DELE1: variants seen among roughly 807,000 people sequenced by gnomAD.
DELE1 encodes the protein death ligand signal enhancer.
A neutral mutation model predicts 59.3 loss-of-function variants in DELE1; 54 were observed. That is an observed-to-expected ratio of 0.91 (90% CI 0.73 to 1.14). The LOEUF (loss-of-function observed/expected upper bound fraction) is 1.14, where lower values mean the gene tolerates loss of function less well. DELE1 is among the 50% of genes most tolerant of loss of function. DELE1 has a pLI of 0.00. For missense variants in DELE1, 636 were observed against 643.9 expected, an observed-to-expected ratio of 0.99 and a Z score of 0.13; for synonymous variants, 264 against 259.1, an observed-to-expected ratio of 1.02 and a Z score of -0.18.
intron 10 of DELE1, among the ~76,000 whole-genome samples, chr5:141,935,762 C>G (rs990964700): frequency 1.3e-5 from 2 of 152,202 alleles, no homozygotes; most frequent in African/African-American, 4.8e-5. Flanking sequence ...ATCAGACCAG[C>G]GTGCTAGCAG....
At chr5:141,931,581 T>C (rs1159338241) in intron 7 of DELE1, among the ~76,000 whole-genome samples, 8 of 151,980 alleles carry the variant, frequency 5.3e-5, no homozygotes, top group Non-Finnish European at 1.5e-5. Flanking sequence ...ACAAAACATG[T>C]CAGTGGCATG....
Position 141,939,260 on chromosome 5 carries a change from G to C in DELE1, c.*501G>C. The stretch of plus-strand genomic sequence containing the variant: ...AATATGATTAGCATATTGACCTGTA[G>C]TTTGATAGATGTTCTGTCTAGGATA... On this transcript the variant is annotated 3_prime_UTR_variant, in exon 12 of 12. Coordinates refer to ENST00000432126, the MANE Select transcript of DELE1 (RefSeq NM_014773.5). 2 of 551,236 alleles carry C rather than the reference G, an allele frequency of 3.6e-6. No individual in the cohort carries two copies. The highest frequency in any genetic ancestry group is 4.6e-6 in the Non-Finnish European group (2 of 433,864). 34.1% of individuals were successfully genotyped at this position (551,236 alleles called of 1,614,324 possible). A position where few individuals can be genotyped will look rare whatever the true frequency, so the allele number is the denominator to read the frequency against.
rs1320514787 is a variant in DELE1 at position 141,936,509 on chromosome 5, A to G, written c.1150-689A>G. On this transcript the variant is annotated intron_variant, in intron 10 of 11. Transcript: ENST00000432126. ...GAGTGCAGTGGCGCGATCTCAGCGC[A>G]CTGCAACCTCCGCCTCCCGGGTTCA... Among the ~76,000 whole-genome samples the G allele has an allele frequency of 2.6e-5, 4 of 152,258 alleles. No homozygotes were observed. The East Asian group carries it at 5.8e-4, about 22-fold the overall frequency.
intron 3 of DELE1, among the ~76,000 whole-genome samples, chr5:141,926,412 T>C (rs1751427298): frequency 6.6e-6 from 1 of 152,198 alleles, no homozygotes; most frequent in South Asian, 2.1e-4. Context: ...TAGCCCGTAA[T>C]AGTTGCTCAA....
At chr5:141,937,439 G>C in intron 11 of DELE1, 82 bp downstream of exon 11, 6 of 1,499,048 alleles carry the variant, frequency 4.0e-6, no homozygotes, top group Non-Finnish European at 5.5e-6. Context: ...AGTAGTCTCT[G>C]GTCTCCTAGT....
chr5:141,937,229 G>T lies in DELE1; in HGVS notation c.1181G>T (p.Cys394Phe). Residue 394 changes from cysteine to phenylalanine, a missense_variant, in exon 11 of 12, where the codon TGC becomes TTC. Cys to Phe is a radical substitution (Grantham distance 205). Coordinates refer to ENST00000432126, the MANE Select transcript of DELE1 (RefSeq NM_014773.5). The part of the protein sequence containing the change: ...DSQSRYHLGI[C>F]YEKGLGVQRN... ...CAGAGCAGGTACCACCTTGGAATTT[G>T]CTATGAGAAAGGCCTTGGTGTGCAG... 1 of 1,614,208 alleles carries T rather than the reference G, an allele frequency of 6.2e-7. No homozygotes were observed. Among genetic ancestry groups the T allele is most frequent in the South Asian group, 1.1e-5 (1 of 91,088 alleles).
At chr5:141,937,152 C>T in intron 10 of DELE1, 46 bp from the exon 11 acceptor site, 1 of 1,608,004 alleles carries the variant, frequency 6.2e-7, no homozygotes, top group Non-Finnish European at 8.5e-7. Context: ...GTCAGTTCCT[C>T]ATTCCTGCAT....
rs375502548 is a variant in DELE1, at chr5:141,933,262, C to G, written c.758C>G (p.Thr253Arg). The change falls in exon 8 of 12, where the codon ACA (threonine) becomes AGA (arginine). Residue 253 changes from threonine to arginine, a missense_variant. Coordinates refer to ENST00000432126, the MANE Select transcript of DELE1 (RefSeq NM_014773.5). ...SVSIAFNFLG[T>R]ENMKSGDHTA... ...TGTGCCCTGTGCCTTCTTACAGGAA[C>G]AGAGAACATGAAGAGTGGCGACCAC... 3.2e-6 allele frequency: 5 copies of G among 1,549,520 alleles called. No homozygotes were observed. The African/African-American group carries it at 5.4e-5, about 17-fold the overall frequency.
intron 3 of DELE1, among the ~76,000 whole-genome samples, chr5:141,927,426 T>TCC (rs922062876): frequency 4.6e-5 from 7 of 152,196 alleles, no homozygotes; most frequent in Non-Finnish European, 7.3e-5. Context: ...ACTCCTGGCC[T>TCC]CAAGTGATCC....
Position 141,941,338 on chromosome 5 carries a change from A to T in DELE1, c.*2579A>T. The T allele has an allele frequency of 1.0e-6, 1 of 985,474 alleles. No homozygotes were observed. The highest frequency in any genetic ancestry group is 1.2e-6 in the Non-Finnish European group (1 of 830,052). 61.0% of individuals were successfully genotyped at this position (985,474 alleles called of 1,614,324 possible). On this transcript the variant is annotated 3_prime_UTR_variant, in exon 12 of 12. Transcript: ENST00000432126. ...CAAAGGTTGGGGGTAGGATATTTTT[A>T]AGCTCTCCAATTTAAAAAGGAAGGG... is the stretch of plus-strand genomic sequence containing the variant.
chr5:141,925,404 A>G lies in DELE1; in HGVS notation c.147-6A>G, dbSNP rs767164419. The G allele has an allele frequency of 1.3e-6, 2 of 1,565,068 alleles. No individual in the cohort carries two copies. Among genetic ancestry groups the G allele is most frequent in the Non-Finnish European group, 1.7e-6 (2 of 1,154,754 alleles). On this transcript the variant is annotated splice_region_variant and splice_polypyrimidine_tract_variant and intron_variant, in intron 2 of 11. Transcript: ENST00000432126. The stretch of plus-strand genomic sequence containing the variant: ...CTACTTGATAGCCTCTTATTTCATC[A>G]TCTAGGTCAGGTCCCCATGGCCCAG...
Position 141,941,686 on chromosome 5 carries a change from T to C in DELE1, c.*2927T>C. On this transcript the variant is annotated 3_prime_UTR_variant, in exon 12 of 12. Transcript: ENST00000432126. The stretch of plus-strand genomic sequence containing the variant: ...AAGCTCTACTGCCTCAGTTTCCCTA[T>C]CCGGAGATGCTGTTTTCAGGGAGTC... The C allele has an allele frequency of 1.0e-6, 1 of 985,390 alleles. No individual in the cohort carries two copies. The highest frequency in any genetic ancestry group is 1.2e-6 in the Non-Finnish European group (1 of 829,922). 61.0% of individuals were successfully genotyped at this position (985,390 alleles called of 1,614,324 possible). A position where few individuals can be genotyped will look rare whatever the true frequency, so the allele number is the denominator to read the frequency against.
Position 141,925,390 on chromosome 5 carries a change from C to T in DELE1, c.147-20C>T, listed in dbSNP as rs762885890. The T allele has an allele frequency of 2.6e-6, 4 of 1,515,810 alleles. No homozygotes were observed. The South Asian group carries it at 3.7e-5, about 14-fold the overall frequency. The allele number at this position is 1,515,810 out of a possible 1,614,324, so 93.9% of individuals were successfully genotyped here. A position where few individuals can be genotyped will look rare whatever the true frequency, so the allele number is the denominator to read the frequency against. Reference sequence around the variant, plus strand: ...GTCTCCCTTTGCCCCTACTTGATAGCCTCTTATTTCATCATCTAGGTCAGG... The same window carrying T: ...GTCTCCCTTTGCCCCTACTTGATAGTCTCTTATTTCATCATCTAGGTCAGG... On this transcript the variant is annotated intron_variant, in intron 2 of 11. Transcript: ENST00000432126.
rs1751700128 is a variant in DELE1 at position 141,929,419 on chromosome 5, T to A, written c.413-163T>A. Among the ~76,000 whole-genome samples, 3 of 152,152 alleles carry A rather than the reference T, an allele frequency of 2.0e-5. No individual in the cohort carries two copies. The South Asian group carries it at 6.2e-4, about 32-fold the overall frequency. On this transcript the variant is annotated intron_variant, in intron 4 of 11. Transcript: ENST00000432126. ...ATGTGCCACTGCACCCCGCTAATTT[T>A]TTGTATTTTTAGTACAGATGGGGTT...
intron 4 of DELE1, 45 bp downstream of exon 4, chr5:141,928,343 C>G (rs754113128): frequency 2.0e-5 from 31 of 1,588,882 alleles, no homozygotes; most frequent in Middle Eastern, 1.7e-4. Context: ...CTGGGCGTTT[C>G]TCTGGGCCAG....
In DELE1 at chr5:141,933,296, CT is replaced by C. The variant is rs781004602; in HGVS notation, c.796del (p.Ser266LeufsTer77). 2.2e-5 allele frequency: 35 copies of C among 1,569,206 alleles called. No homozygotes were observed. In the Admixed American group the frequency reaches 4.6e-4, roughly 21 times the overall value. ...NMKSGDHTAA[F>X]SYFQKAAARG... Reference sequence around the variant, plus strand: ...TGAAGAGTGGCGACCACACGGCAGCCTTTTCTTACTTCCAGAAAGCTGCAGC... The same window carrying C: ...TGAAGAGTGGCGACCACACGGCAGCCTTTCTTACTTCCAGAAAGCTGCAGC... On this transcript the variant is annotated frameshift_variant, in exon 8 of 12. Transcript: ENST00000432126. LOFTEE classifies it high-confidence loss of function.
intron 10 of DELE1, among the ~76,000 whole-genome samples, chr5:141,935,873 T>C (rs1314691140): frequency 6.6e-6 from 1 of 152,184 alleles, no homozygotes; most frequent in Non-Finnish European, 1.5e-5. Flanking sequence ...TCTTTCTGGG[T>C]TTGTACTGAG....
chr5:141,940,263 C>G lies in DELE1; in HGVS notation c.*1504C>G, dbSNP rs1172568797. On this transcript the variant is annotated 3_prime_UTR_variant, in exon 12 of 12. Coordinates refer to ENST00000432126, the MANE Select transcript of DELE1 (RefSeq NM_014773.5). ...CTCTCCACTAACCAATTTAAAGGAT[C>G]TTAAAAGCTTCTCCAGGAGAGAGAC... 16 of 985,254 alleles carry G rather than the reference C, an allele frequency of 1.6e-5. No individual in the cohort carries two copies. The highest frequency in any genetic ancestry group is 1.9e-5 in the Non-Finnish European group (16 of 829,934). 61.0% of individuals were successfully genotyped at this position (985,254 alleles called of 1,614,324 possible). A position where few individuals can be genotyped will look rare whatever the true frequency, so the allele number is the denominator to read the frequency against.
Position 141,930,193 on chromosome 5 carries a change from A to C in DELE1, c.673A>C (p.Lys225Gln), listed in dbSNP as rs2126877445. ...PTGEKEQDKS[K>Q]TLSLEEAVTS... Reference sequence around the variant, plus strand: ...TCTTTCCCAGGAACAAGATAAATCAAAAACTCTTTCCCTTGAGGAGGCTGT... The same window carrying C: ...TCTTTCCCAGGAACAAGATAAATCACAAACTCTTTCCCTTGAGGAGGCTGT... Residue 225 changes from lysine to glutamine, a missense_variant, in exon 7 of 12, where the codon AAA becomes CAA. Coordinates refer to ENST00000432126, the MANE Select transcript of DELE1 (RefSeq NM_014773.5). 1.2e-6 allele frequency: 2 copies of C among 1,613,764 alleles called. No homozygotes were observed. Among genetic ancestry groups the C allele is most frequent in the East Asian group, 4.5e-5 (2 of 44,874 alleles).
Sources: allele counts gnomAD v4.1 joint callset (sites outside exome capture counted in the v4.1 genomes callset), GRCh38; gene constraint gnomAD v4.1.1; transcripts MANE v1.5; gene names NCBI Gene and HGNC (gene_info 2026-07-23, HGNC 2026-07-21).